YPEL2: variants seen among roughly 807,000 people sequenced by gnomAD.
The protein encoded by YPEL2 is protein yippee-like 2.
A neutral mutation model predicts 19.1 loss-of-function variants in YPEL2; 2 were observed. That is an observed-to-expected ratio of 0.10 (90% CI 0.04 to 0.33). YPEL2 has a LOEUF of 0.33. YPEL2 is among the 10% of genes least tolerant of loss of function. The pLI is 1.00. For missense variants in YPEL2, 66 were observed against 140.7 expected (o/e 0.47, Z 2.68); for synonymous variants, 52 against 50.0 (o/e 1.04, Z -0.17).
chr17:59,361,277 A>C (rs1193242383), intron 2 of YPEL2, among the ~76,000 whole-genome samples: 4 of 152,188 alleles, frequency 2.6e-5, no homozygotes, highest in Admixed American at 2.6e-4. Context: ...GTCTTTGCAC[A>C]AATACTAATT....
chr17:59,389,561 C>A, intron 4 of YPEL2, 93 bp downstream of exon 4: 1 of 965,646 alleles, frequency 1.0e-6, no homozygotes, highest in Non-Finnish European at 1.6e-6. Flanking sequence ...TTTCCATGGC[C>A]TTGTGGGATT....
chr17:59,386,180 A>G (rs2047979325), intron 2 of YPEL2, among the ~76,000 whole-genome samples: 1 of 150,968 alleles, frequency 6.6e-6, no homozygotes, highest in Admixed American at 6.6e-5. Flanking sequence ...TTTTTTAAAT[A>G]GCTGGTTATG....
chr17:59,345,271 C>G (rs2047750519), intron 1 of YPEL2: 1 of 152,106 alleles, frequency 6.6e-6, no homozygotes, highest in African/African-American at 2.4e-5. Context: ...AAGACTAGAC[C>G]CTGCATCCAG....
intron 1 of YPEL2, among the ~76,000 whole-genome samples, chr17:59,333,517 A>C (rs1397205747): frequency 1.3e-5 from 2 of 152,156 alleles, no homozygotes; most frequent in African/African-American, 4.8e-5. Context: ...TCAGACTTTG[A>C]GTGGGACCTG....
At chr17:59,394,294 A>C (rs1208719637) in intron 4 of YPEL2, among the ~76,000 whole-genome samples, 1 of 140,788 alleles carries the variant, frequency 7.1e-6, no homozygotes, top group Non-Finnish European at 1.5e-5. Flanking sequence ...CACTTCTCAG[A>C]TGGGGCGGCC....
At chr17:59,366,975 G>GCAGGTGCTGGGTAAATA (rs1484399534) in intron 2 of YPEL2, among the ~76,000 whole-genome samples, 4 of 152,308 alleles carry the variant, frequency 2.6e-5, no homozygotes, top group African/African-American at 9.6e-5. Flanking sequence ...CATCGTGGGG[G>GCAGGTGCTGGGTAAATA]CAGGTGCTGG....
At chr17:59,354,678 TCTAAGGTGACCACAGAG>T (rs1235638475) in intron 2 of YPEL2, 10 of 152,202 alleles carry the variant, frequency 6.6e-5, no homozygotes, top group African/African-American at 2.4e-4. Flanking sequence ...TACTCCAGGG[TCTAAGGTGACCACAGAG>T]CTTGAAGCGT....
intron 2 of YPEL2, among the ~76,000 whole-genome samples, chr17:59,387,598 A>G (rs943992716): frequency 2.0e-5 from 3 of 152,208 alleles, no homozygotes; most frequent in African/African-American, 7.2e-5. Context: ...AGCAGACGCC[A>G]GATTGCATGG....
chr17:59,370,528 C>A (rs959724473), intron 2 of YPEL2, among the ~76,000 whole-genome samples: 1 of 152,188 alleles, frequency 6.6e-6, no homozygotes, highest in East Asian at 1.9e-4. Flanking sequence ...CCATTAAGTG[C>A]TGTATCACAC....
intron 2 of YPEL2, among the ~76,000 whole-genome samples, chr17:59,381,775 C>G (rs2047950572): frequency 6.6e-6 from 1 of 152,218 alleles, no homozygotes; most frequent in African/African-American, 2.4e-5. Flanking sequence ...GGCCTGCACA[C>G]CAGCCTTGGT....
intron 2 of YPEL2, among the ~76,000 whole-genome samples, chr17:59,378,456 TGCCTCA>T (rs1334582007): frequency 6.6e-6 from 1 of 151,824 alleles, no homozygotes; most frequent in Non-Finnish European, 1.5e-5. Flanking sequence ...GCAGTTCTCA[TGCCTCA>T]GCCTCCCAAG....
At chr17:59,351,300 G>A (rs1002882025) in intron 1 of YPEL2, among the ~76,000 whole-genome samples, 3 of 152,108 alleles carry the variant, frequency 2.0e-5, no homozygotes, top group Admixed American at 1.3e-4. Flanking sequence ...GCTTGAACCC[G>A]GGAGGCGGAG....
rs924895284 is a variant in YPEL2 at position 59,398,505 on chromosome 17, AATTCCGAT to A, written c.*1318_*1325del. On this transcript the variant is annotated 3_prime_UTR_variant, in exon 5 of 5. Transcript: ENST00000312655. ...CAGCAGCAGGGAGGAGTTCTGCCCA[AATTCCGAT>A]ATCACCCCTTCCCCCATCCAAGCAT... is the stretch of plus-strand genomic sequence containing the variant. 5 of 152,122 alleles carry A rather than the reference AATTCCGAT, an allele frequency of 3.3e-5. No individual in the cohort carries two copies. Among genetic ancestry groups the A allele is most frequent in the African/African-American group, 1.2e-4 (5 of 41,392 alleles). The allele number at this position is 152,122 out of a possible 1,614,324, so 9.4% of individuals were successfully genotyped here.
In YPEL2 at chr17:59,353,408, C is replaced by T; in HGVS notation, c.-2C>T. Reference sequence around the variant, plus strand: ...GAGTTCACCCCACACTCAGCAGCACCAATGGTGAAGATGACAAGATCGAAG... The same window carrying T: ...GAGTTCACCCCACACTCAGCAGCACTAATGGTGAAGATGACAAGATCGAAG... On this transcript the variant is annotated 5_prime_UTR_variant, in exon 2 of 5. Transcript: ENST00000312655. The surrounding 1 kb of genome is among the most constrained non-coding windows in gnomAD (Gnocchi z 4.8). 1.9e-6 allele frequency: 3 copies of T among 1,580,824 alleles called. No individual in the cohort carries two copies. The highest frequency in any genetic ancestry group is 1.7e-6 in the Non-Finnish European group (2 of 1,161,980).
At position 59,353,040 on chromosome 17, in the gene YPEL2, C is replaced by G. The variant is rs916405221; in HGVS notation, c.-195-175C>G. 1.4e-4 allele frequency among the ~76,000 whole-genome samples: 21 copies of G among 152,122 alleles called. No individual in the cohort carries two copies. The highest frequency in any genetic ancestry group is 4.3e-4 in the African/African-American group (18 of 41,408). The stretch of plus-strand genomic sequence containing the variant: ...CAGAAAAGCAGCGAGACTGGAGTCT[C>G]CAGTGGTTTCTTTCTCATTCATTGG... On this transcript the variant is annotated intron_variant, in intron 1 of 4. Transcript: ENST00000312655. The surrounding 1 kb of genome is among the most constrained non-coding windows in gnomAD (Gnocchi z 4.8).
chr17:59,341,667 A>G lies in YPEL2; in HGVS notation c.-196+9843A>G, dbSNP rs575670998. On this transcript the variant is annotated intron_variant, in intron 1 of 4. Coordinates refer to ENST00000312655, the MANE Select transcript of YPEL2 (RefSeq NM_001005404.4). ...GTGCGAAACAACGTCTCAGGAAAAA[A>G]AAAAGTTATATTAAAAAGGTAAACA... 1.8e-3 allele frequency among the ~76,000 whole-genome samples: 281 copies of G among 152,302 alleles called. 3 individuals are homozygous for G. Among genetic ancestry groups the G allele is most frequent in the Non-Finnish European group, 3.4e-4 (23 of 68,034 alleles).
rs1457562713 is a variant in YPEL2 at position 59,353,352 on chromosome 17, A to G, written c.-58A>G. Reference sequence around the variant, plus strand: ...TCTTCCGGTGTTTCCCGTGCGACCCATCCTGTGGGAGTGCCTCGTGGGCTG... The same window carrying G: ...TCTTCCGGTGTTTCCCGTGCGACCCGTCCTGTGGGAGTGCCTCGTGGGCTG... On this transcript the variant is annotated 5_prime_UTR_variant, in exon 2 of 5. Transcript: ENST00000312655. This position sits in a 1 kb window ranked among gnomAD's most constrained non-coding sequence, Gnocchi z 4.8. 2 of 1,313,796 alleles carry G rather than the reference A, an allele frequency of 1.5e-6. No homozygotes were observed. The highest frequency in any genetic ancestry group is 2.1e-6 in the Non-Finnish European group (2 of 941,268). 81.4% of individuals were successfully genotyped at this position (1,313,796 alleles called of 1,614,324 possible).
chr17:59,369,683 A>G (rs2047887272), intron 2 of YPEL2, among the ~76,000 whole-genome samples: 1 of 152,248 alleles, frequency 6.6e-6, no homozygotes, highest in Non-Finnish European at 1.5e-5. Context: ...CCACAGCTCT[A>G]GGACAAGCGT....
At chr17:59,333,418 C>G (rs551346549) in intron 1 of YPEL2, among the ~76,000 whole-genome samples, 28 of 152,310 alleles carry the variant, frequency 1.8e-4, no homozygotes, top group African/African-American at 6.7e-4. Context: ...GAACCAAAAT[C>G]AAGAAGCTTA....
Sources: gnomAD v4.1 joint callset for allele counts (sites outside exome capture counted in the v4.1 genomes callset) on GRCh38, gnomAD v4.1.1 for gene constraint, Gnocchi (gnomAD v3.1) non-coding constraint, MANE v1.5 for transcripts, NCBI Gene and HGNC (gene_info 2026-07-23, HGNC 2026-07-21) for gene names.